The following ADAM30 variants were observed in gnomAD, a reference collection of about 807,000 sequenced individuals.
ADAM30 encodes ADAM metallopeptidase domain 30, also known as disintegrin and metalloproteinase domain-containing protein 30.
For missense variants in ADAM30, 960 were observed against 959.4 expected (o/e 1.00, Z -0.01); for synonymous variants, 382 against 340.9 (o/e 1.12, Z -1.33).
rs148460316 is a variant in ADAM30 at position 119,894,929 on chromosome 1, A to G, written c.1408T>C (p.Cys470Arg). The change falls in exon 1 of 1, where the codon TGC becomes CGC. Residue 470 changes from cysteine (C) to arginine (R), a missense_variant. Coordinates refer to ENST00000369400, the MANE Select transcript of ADAM30 (RefSeq NM_021794.4). ...EGNECDLAEY[C>R]DGNSSSCPND... is the part of the protein sequence containing the mutation. ...GGGCAGGAACTTGAATTCCCGTCGC[A>G]GTACTCTGCAAGGTCACATTCATTT... 2 of 1,614,228 alleles carry G rather than the reference A, an allele frequency of 1.2e-6. No homozygotes were observed. The highest frequency in any genetic ancestry group is 1.7e-6 in the Non-Finnish European group (2 of 1,180,044).
Position 119,893,975 on chromosome 1 carries a change from GT to G in ADAM30, c.2361del (p.Lys787AsnfsTer39). The G allele has an allele frequency of 6.2e-7, 1 of 1,604,144 alleles. No homozygotes were observed. The highest frequency in any genetic ancestry group is 8.5e-7 in the Non-Finnish European group (1 of 1,177,572). On this transcript the variant is annotated frameshift_variant, in exon 1 of 1. Coordinates refer to ENST00000369400, the MANE Select transcript of ADAM30 (RefSeq NM_021794.4). LOFTEE classifies it high-confidence loss of function. Reference protein sequence around the residue: ...SKRPKAKSVKKQKK With the variant: ...SKRPKAKSVKXQKK Reference sequence around the variant, plus strand: ...TATGGATTGCCCGGTTACTTTTTTTGTTTCTTGACACTCTTTGCTTTGGGTC... The same window carrying G: ...TATGGATTGCCCGGTTACTTTTTTTGTTCTTGACACTCTTTGCTTTGGGTC...
Position 119,896,454 on chromosome 1 carries a change from C to T in ADAM30, c.-118G>A. On this transcript the variant is annotated 5_prime_UTR_variant, in exon 1 of 1. Coordinates refer to ENST00000369400, the MANE Select transcript of ADAM30 (RefSeq NM_021794.4). ...TGAGCTCAAAACCCGGCTCCCCTGG[C>T]AGGGTTTCCGGGGGAGCCCGTAGCC... 7.1e-7 allele frequency: 1 copy of T among 1,415,948 alleles called. No individual in the cohort carries two copies. The highest frequency in any genetic ancestry group is 9.2e-7 in the Non-Finnish European group (1 of 1,082,962). The allele number at this position is 1,415,948 out of a possible 1,614,324, so 87.7% of individuals were successfully genotyped here.
In ADAM30 at chr1:119,894,712, C is replaced by G. The variant is rs771971833; in HGVS notation, c.1625G>C (p.Arg542Pro). The G allele has an allele frequency of 1.2e-6, 2 of 1,614,076 alleles. No homozygotes were observed. Among genetic ancestry groups the G allele is most frequent in the Non-Finnish European group, 1.7e-6 (2 of 1,180,006 alleles). Reference sequence around the variant, plus strand: ...TGCACTTTCACACTTTTTAAAATTTCGAATTCCTGTAATCTCACAGTTACC... The same window carrying G: ...TGCACTTTCACACTTTTTAAAATTTGGAATTCCTGTAATCTCACAGTTACC... Reference protein sequence around the residue: ...QFGNCEITGIRNFKKCESANS... With the variant: ...QFGNCEITGIPNFKKCESANS... The change falls in exon 1 of 1, where the codon CGA (arginine) becomes CCA (proline). Residue 542 changes from arginine (R) to proline (P), a missense_variant. Arg to Pro is a moderately radical substitution (Grantham distance 103). Transcript: ENST00000369400.
At position 119,894,101 on chromosome 1, in the gene ADAM30, T is replaced by C. The variant is rs61757470; in HGVS notation, c.2236A>G (p.Thr746Ala). 1.2e-6 allele frequency: 2 copies of C among 1,613,228 alleles called. No homozygotes were observed. The highest frequency in any genetic ancestry group is 2.7e-5 in the African/African-American group (2 of 74,856). The change falls in exon 1 of 1, where the codon ACA (threonine) becomes GCA (alanine). Residue 746 changes from threonine (T) to alanine (A), a missense_variant. By Grantham distance (58) the Thr-to-Ala change is moderately conservative (BLOSUM62 0). Coordinates refer to ENST00000369400, the MANE Select transcript of ADAM30 (RefSeq NM_021794.4). ...KTKTVQEESK[T>A]KTGQEESEAK... ...TCAGATTCTTCCTGTCCAGTTTTTG[T>C]TTTAGATTCTTCCTGTACAGTTTTT...
rs777659301 is a variant in ADAM30, at chr1:119,895,886, C to G, written c.451G>C (p.Ala151Pro). The G allele has an allele frequency of 6.2e-6, 10 of 1,614,028 alleles. No individual in the cohort carries two copies. In the Admixed American group the frequency reaches 1.3e-4, roughly 22 times the overall value. ...AKHYQIEPLK[A>P]SPSFEHVVYL... ...ACGACATGTTCAAAACTGGGAGAGGCCTTGAGGGGCTCAATTTGGTAATGT... is the reference window on the plus strand; with the variant it reads ...ACGACATGTTCAAAACTGGGAGAGGGCTTGAGGGGCTCAATTTGGTAATGT... The change falls in exon 1 of 1, where the codon GCC (alanine) becomes CCC (proline). Residue 151 changes from alanine to proline, a missense_variant. Ala to Pro is a conservative substitution (Grantham distance 27). Transcript: ENST00000369400.
At position 119,894,112 on chromosome 1, in the gene ADAM30, T is replaced by C. The variant is rs370884213; in HGVS notation, c.2225A>G (p.Glu742Gly). The change falls in exon 1 of 1, where the codon GAA (glutamate) becomes GGA (glycine). Residue 742 changes from glutamate to glycine, a missense_variant. Glu to Gly is a moderately conservative substitution (Grantham distance 98, BLOSUM62 -2). Transcript: ENST00000369400. ...QEESKTKTVQ[E>G]ESKTKTGQEE... ...CTGTCCAGTTTTTGTTTTAGATTCT[T>C]CCTGTACAGTTTTTGTTTTAGATTC... The C allele has an allele frequency of 6.2e-7, 1 of 1,613,326 alleles. No individual in the cohort carries two copies. Among genetic ancestry groups the C allele is most frequent in the African/African-American group, 1.3e-5 (1 of 74,878 alleles).
chr1:119,895,762 A>T lies in ADAM30; in HGVS notation c.575T>A (p.Leu192Gln). 6.2e-7 allele frequency: 1 copy of T among 1,614,154 alleles called. No homozygotes were observed. ...TTTATAGGATCCAGGAAAGTCCCTT[A>T]GCCTCGCCTTATTCTCATAAGGGGC... ...QMAPYENKAR[L>Q]RDFPGSYKHP... is the part of the protein sequence containing the mutation. The change falls in exon 1 of 1, where the codon CTA becomes CAA. Residue 192 changes from leucine (L) to glutamine (Q), a missense_variant. Transcript: ENST00000369400.
In ADAM30 at chr1:119,894,026, A is replaced by C; in HGVS notation, c.2311T>G (p.Ser771Ala). 6.2e-7 allele frequency: 1 copy of C among 1,613,152 alleles called. No individual in the cohort carries two copies. Among genetic ancestry groups the C allele is most frequent in the Non-Finnish European group, 8.5e-7 (1 of 1,179,608 alleles). ...ESKAKTGQEE[S>A]KANIESKRPK... Reference sequence around the variant, plus strand: ...CGTTTACTTTCAATGTTTGCTTTAGATTCTTCCTGTCCAGTTTTTGCTTTA... The same window carrying C: ...CGTTTACTTTCAATGTTTGCTTTAGCTTCTTCCTGTCCAGTTTTTGCTTTA... The change falls in exon 1 of 1, where the codon TCT (serine) becomes GCT (alanine). Residue 771 changes from serine to alanine, a missense_variant. Coordinates refer to ENST00000369400, the MANE Select transcript of ADAM30 (RefSeq NM_021794.4).
At position 119,895,909 on chromosome 1, in the gene ADAM30, T is replaced by A; in HGVS notation, c.428A>T (p.His143Leu). ...LRGVFNIDAK[H>L]YQIEPLKASP... ...GGCCTTGAGGGGCTCAATTTGGTAA[T>A]GTTTGGCATCAATGTTAAATACACC... Residue 143 changes from histidine (H) to leucine (L), a missense_variant, in exon 1 of 1, where the codon CAT (histidine) becomes CTT (leucine). Transcript: ENST00000369400. 1 of 1,614,122 alleles carries A rather than the reference T, an allele frequency of 6.2e-7. No individual in the cohort carries two copies. Among genetic ancestry groups the A allele is most frequent in the Non-Finnish European group, 8.5e-7 (1 of 1,180,020 alleles).
chr1:119,896,136 C>G lies in ADAM30; in HGVS notation c.201G>C (p.Gln67His), dbSNP rs587767623. 5.6e-6 allele frequency: 9 copies of G among 1,613,962 alleles called. No individual in the cohort carries two copies. Among genetic ancestry groups the G allele is most frequent in the Non-Finnish European group, 7.6e-6 (9 of 1,179,996 alleles). Residue 67 changes from glutamine (Q) to histidine (H), a missense_variant, in exon 1 of 1, where the codon CAG becomes CAC. Physicochemically the swap from Gln to His is conservative, Grantham distance 24. Coordinates refer to ENST00000369400, the MANE Select transcript of ADAM30 (RefSeq NM_021794.4). ...GGAGGACGTGCTTCTTGCCTTTTAA[C>G]TGCAGTAGGTAGGACACGGGACTGA... The part of the protein sequence containing the change: ...GVVSPVSYLL[Q>H]LKGKKHVLHL...
At position 119,896,182 on chromosome 1, in the gene ADAM30, C is replaced by T. The variant is rs761413158; in HGVS notation, c.155G>A (p.Arg52Gln). The change falls in exon 1 of 1, where the codon CGG becomes CAG. Residue 52 changes from arginine (R) to glutamine (Q), a missense_variant. Transcript: ENST00000369400. Reference sequence around the variant, plus strand: ...ACTGACCACACCCTGCACCTCTCCCCGGAAGCTCAGCTTCTCAGGAATGGT... The same window carrying T: ...ACTGACCACACCCTGCACCTCTCCCTGGAAGCTCAGCTTCTCAGGAATGGT... ...EVTIPEKLSF[R>Q]GEVQGVVSPV... The T allele has an allele frequency of 7.4e-6, 12 of 1,614,162 alleles. No homozygotes were observed. Among genetic ancestry groups the T allele is most frequent in the Non-Finnish European group, 9.3e-6 (11 of 1,180,014 alleles).
rs148059632 is a variant in ADAM30, at chr1:119,896,279, T to C, written c.58A>G (p.Thr20Ala). ...TCGCCAAGAGACTTAAGGAGCATTG[T>C]CGGAACTAGTAGAAGGAGCAAACGG... is the stretch of plus-strand genomic sequence containing the variant. ...QCRLLLLLVP[T>A]MLLKSLGEDV... is the part of the protein sequence containing the mutation. The change falls in exon 1 of 1, where the codon ACA (threonine) becomes GCA (alanine). Residue 20 changes from threonine to alanine, a missense_variant. Physicochemically the swap from Thr to Ala is moderately conservative, Grantham distance 58. Transcript: ENST00000369400. The C allele has an allele frequency of 1.8e-4, 295 of 1,611,268 alleles. No individual in the cohort carries two copies. Among genetic ancestry groups the C allele is most frequent in the Non-Finnish European group, 2.4e-4 (278 of 1,178,606 alleles).
rs1200682951 is a variant in ADAM30 at position 119,894,955 on chromosome 1, C to T, written c.1382G>A (p.Gly461Glu). The change falls in exon 1 of 1, where the codon GGA (glycine) becomes GAA (glutamate). Residue 461 changes from glycine (G) to glutamate (E), a missense_variant. Coordinates refer to ENST00000369400, the MANE Select transcript of ADAM30 (RefSeq NM_021794.4). ...GTACTCTGCAAGGTCACATTCATTT[C>T]CTTCCTGCCTACACACGTATCCAGA... ...RPSGYVCRQE[G>E]NECDLAEYCD... 3.1e-6 allele frequency: 5 copies of T among 1,614,088 alleles called. No homozygotes were observed. The highest frequency in any genetic ancestry group is 4.5e-5 in the East Asian group (2 of 44,894).
At position 119,895,222 on chromosome 1, in the gene ADAM30, T is replaced by C; in HGVS notation, c.1115A>G (p.Asn372Ser). 6.2e-7 allele frequency: 1 copy of C among 1,614,204 alleles called. No individual in the cohort carries two copies. Among genetic ancestry groups the C allele is most frequent in the Non-Finnish European group, 8.5e-7 (1 of 1,180,028 alleles). Residue 372 changes from asparagine to serine, a missense_variant, in exon 1 of 1, where the codon AAT (asparagine) becomes AGT (serine). Coordinates refer to ENST00000369400, the MANE Select transcript of ADAM30 (RefSeq NM_021794.4). Reference protein sequence around the residue: ...IMGSGRTGFSNCSYISFFKHI... With the variant: ...IMGSGRTGFSSCSYISFFKHI... ...TTTAAAAAAAGAGATATAACTGCAA[T>C]TGCTAAACCCAGTGCGTCCTGAGCC...
Position 119,896,257 on chromosome 1 carries a change from C to A in ADAM30, c.80G>T (p.Gly27Val), listed in dbSNP as rs778057993. The A allele has an allele frequency of 2.5e-6, 4 of 1,613,542 alleles. No homozygotes were observed. In the East Asian group the frequency reaches 8.9e-5, roughly 36 times the overall value. ...LVPTMLLKSL[G>V]EDVIFHPEGE... is the part of the protein sequence containing the mutation. Reference sequence around the variant, plus strand: ...TTCAGGGTGAAAAATTACATCTTCGCCAAGAGACTTAAGGAGCATTGTCGG... The same window carrying A: ...TTCAGGGTGAAAAATTACATCTTCGACAAGAGACTTAAGGAGCATTGTCGG... Residue 27 changes from glycine (G) to valine (V), a missense_variant, in exon 1 of 1, where the codon GGC becomes GTC. Coordinates refer to ENST00000369400, the MANE Select transcript of ADAM30 (RefSeq NM_021794.4).
chr1:119,893,728 G>T lies in ADAM30; in HGVS notation c.*236C>A. On this transcript the variant is annotated 3_prime_UTR_variant, in exon 1 of 1. Transcript: ENST00000369400. ...GCTTTAGTGTATGGAAAAGCCATTA[G>T]AGCATGATTCTCAGAATACCCACAA... 1.4e-6 allele frequency: 1 copy of T among 708,956 alleles called. No individual in the cohort carries two copies. The highest frequency in any genetic ancestry group is 2.2e-6 in the Non-Finnish European group (1 of 458,298). 43.9% of individuals were successfully genotyped at this position (708,956 alleles called of 1,614,324 possible).
rs748278094 is a variant in ADAM30, at chr1:119,895,195, T to C, written c.1142A>G (p.His381Arg). ...SNCSYISFFK[H>R]ISSGATCLNN... ...TAGACATGTTGCTCCCGAAGAGATA[T>C]GTTTAAAAAAAGAGATATAACTGCA... The change falls in exon 1 of 1, where the codon CAT becomes CGT. Residue 381 changes from histidine (H) to arginine (R), a missense_variant. Transcript: ENST00000369400. The C allele has an allele frequency of 3.1e-6, 5 of 1,614,208 alleles. No individual in the cohort carries two copies. The highest frequency in any genetic ancestry group is 2.2e-5 in the East Asian group (1 of 44,884).
Position 119,893,896 on chromosome 1 carries a change from C to G in ADAM30, c.*68G>C. 2.0e-6 allele frequency: 3 copies of G among 1,532,118 alleles called. No homozygotes were observed. The highest frequency in any genetic ancestry group is 2.6e-6 in the Non-Finnish European group (3 of 1,146,734). 94.9% of individuals were successfully genotyped at this position (1,532,118 alleles called of 1,614,324 possible). A position where few individuals can be genotyped will look rare whatever the true frequency, so the allele number is the denominator to read the frequency against. ...AAAATATTGGGAGAAGAATGGAAAG[C>G]CTTTGGATAAATGATTAGCTGGTTA... is the stretch of plus-strand genomic sequence containing the variant. On this transcript the variant is annotated 3_prime_UTR_variant, in exon 1 of 1. Transcript: ENST00000369400.
chr1:119,894,267 G>A lies in ADAM30; in HGVS notation c.2070C>T (p.Ser690=), dbSNP rs1462988780. ...GAIPSSIWVV[S]IIMFRLILLI... ...ATAAAATAAGGCGAAACATTATGAT[G>A]GACACAACCCAAATTGACGAGGGAA... is the stretch of plus-strand genomic sequence containing the variant. The change falls in exon 1 of 1, where the codon TCC becomes TCT. Residue 690 remains serine (S), a synonymous_variant. Coordinates refer to ENST00000369400, the MANE Select transcript of ADAM30 (RefSeq NM_021794.4). 2.5e-6 allele frequency: 4 copies of A among 1,614,040 alleles called. No homozygotes were observed. Among genetic ancestry groups the A allele is most frequent in the Non-Finnish European group, 3.4e-6 (4 of 1,180,032 alleles).
Sources: gnomAD v4.1 joint callset for allele counts on GRCh38, gnomAD v4.1.1 for gene constraint, MANE v1.5 for transcripts, NCBI Gene and HGNC (gene_info 2026-07-23, HGNC 2026-07-21) for gene names.